The following ARHGAP15 variants were observed in gnomAD, a reference collection of about 807,000 sequenced individuals.
ARHGAP15 encodes the protein rho GTPase-activating protein 15.
ARHGAP15 carries 51 observed loss-of-function variants against 63.7 expected under a neutral mutation model. That is an observed-to-expected ratio of 0.80 (90% CI 0.64 to 1.01). The LOEUF (loss-of-function observed/expected upper bound fraction) is 1.01. ARHGAP15 is among the 50% of genes least tolerant of loss of function. The pLI is 0.00. For synonymous variants in ARHGAP15, 191 were observed against 193.8 expected (o/e 0.99, Z 0.12); for missense variants, 560 against 564.6 (o/e 0.99, Z 0.08).
At chr2:143,198,905 A>G (rs1278981315) in intron 2 of ARHGAP15, among the ~76,000 whole-genome samples, 2 of 152,126 alleles carry the variant, frequency 1.3e-5, no homozygotes, top group Non-Finnish European at 1.5e-5. Context: ...ATGGGAATCT[A>G]GTTGGGTTTT....
At chr2:143,729,154 AGT>A (rs1685420924) in intron 13 of ARHGAP15, among the ~76,000 whole-genome samples, 1 of 152,254 alleles carries the variant, frequency 6.6e-6, no homozygotes, top group African/African-American at 2.4e-5. Context: ...GCCATTTGTT[AGT>A]ATTGTTCTGA....
chr2:143,270,724 A>G (rs1488677927), intron 6 of ARHGAP15, among the ~76,000 whole-genome samples: 1 of 152,180 alleles, frequency 6.6e-6, no homozygotes, highest in African/African-American at 2.4e-5. Context: ...TAGAAAATCA[A>G]GTCTCCTGGT....
chr2:143,390,638 C>CA (rs1265891551), intron 6 of ARHGAP15, among the ~76,000 whole-genome samples: 1 of 152,020 alleles, frequency 6.6e-6, no homozygotes, highest in Non-Finnish European at 1.5e-5. Context: ...TCTTTAGCCC[C>CA]AACTCCCAGC....
At chr2:143,174,304 T>A (rs1690921920) in intron 2 of ARHGAP15, among the ~76,000 whole-genome samples, 1 of 152,122 alleles carries the variant, frequency 6.6e-6, no homozygotes, top group Non-Finnish European at 1.5e-5. Flanking sequence ...ACACTAATGA[T>A]CACCTTCACC....
intron 6 of ARHGAP15, among the ~76,000 whole-genome samples, chr2:143,413,964 T>TGCGCGCGC (rs1263567075): frequency 0.022 from 1,458 of 67,012 alleles, 14 homozygotes; most frequent in Non-Finnish European, 0.03. Flanking sequence ...TGTGTGTGTG[T>TGCGCGCGC]GTGCGCGCTC....
chr2:143,192,395 C>T (rs1317619698), intron 2 of ARHGAP15, among the ~76,000 whole-genome samples: 4 of 152,186 alleles, frequency 2.6e-5, no homozygotes, highest in Non-Finnish European at 5.9e-5. Context: ...CTAACAACAC[C>T]CTGAATTCAA....
At chr2:143,430,368 A>G (rs535105421) in intron 6 of ARHGAP15, among the ~76,000 whole-genome samples, 1 of 152,170 alleles carries the variant, frequency 6.6e-6, no homozygotes, top group Non-Finnish European at 1.5e-5. Flanking sequence ...GTTAAGAGAA[A>G]TGTTAGGAAT....
intron 6 of ARHGAP15, among the ~76,000 whole-genome samples, chr2:143,347,148 C>G (rs919811705): frequency 2.0e-5 from 3 of 152,066 alleles, no homozygotes; most frequent in African/African-American, 7.2e-5. Context: ...TATTGAGAAG[C>G]AATCAATTGC....
chr2:143,555,882 GAAT>G (rs1157576677), intron 10 of ARHGAP15, among the ~76,000 whole-genome samples: 1 of 67,870 alleles, frequency 1.5e-5, no homozygotes, highest in Non-Finnish European at 2.9e-5. Flanking sequence ...GAATAGAATA[GAAT>G]AGAATAGAAT....
chr2:143,428,086 C>T (rs761157974), intron 6 of ARHGAP15, among the ~76,000 whole-genome samples: 1 of 151,886 alleles, frequency 6.6e-6, no homozygotes, highest in Non-Finnish European at 1.5e-5. Flanking sequence ...CAACATAAAC[C>T]AGTTTGTGCT....
intron 5 of ARHGAP15, among the ~76,000 whole-genome samples, chr2:143,249,699 A>C (rs1226982064): frequency 6.6e-6 from 1 of 152,166 alleles, no homozygotes; most frequent in Non-Finnish European, 1.5e-5. Flanking sequence ...AAGTATGATT[A>C]ACTTGAATCA....
chr2:143,700,889 T>C (rs966687938), intron 12 of ARHGAP15, among the ~76,000 whole-genome samples: 2 of 152,196 alleles, frequency 1.3e-5, no homozygotes, highest in African/African-American at 2.4e-5. Context: ...GTTGGTCTTG[T>C]GAAGCATCAC....
At chr2:143,437,642 A>G (rs1304310995) in intron 8 of ARHGAP15, among the ~76,000 whole-genome samples, 1 of 152,220 alleles carries the variant, frequency 6.6e-6, no homozygotes, top group Non-Finnish European at 1.5e-5. Context: ...ACCATTCCCC[A>G]GACTGCTTCT....
chr2:143,703,098 T>C (rs1245913819), intron 12 of ARHGAP15, among the ~76,000 whole-genome samples: 1 of 152,192 alleles, frequency 6.6e-6, no homozygotes, highest in African/African-American at 2.4e-5. Context: ...GTCACATTGT[T>C]GTTGCTTTCA....
intron 13 of ARHGAP15, chr2:143,766,940 A>T (rs1032805335): frequency 6.6e-6 from 1 of 152,206 alleles, no homozygotes; most frequent in Admixed American, 6.5e-5. Flanking sequence ...AGAGGCCTCT[A>T]AAGTCCAACC....
At chr2:143,656,934 GGTGTGTGTGTGTGTGTGTGTGTGTGT>G (rs5834961) in intron 12 of ARHGAP15, among the ~76,000 whole-genome samples, 21 of 145,030 alleles carry the variant, frequency 1.4e-4, no homozygotes, top group African/African-American at 5.1e-4. Flanking sequence ...CAAAGTTTCT[GGTGTGTGTGTGTGTGTGTGTGTGTGT>G]GTGTGTGTGT....
At chr2:143,416,323 A>T (rs1385941484) in intron 6 of ARHGAP15, among the ~76,000 whole-genome samples, 1 of 152,182 alleles carries the variant, frequency 6.6e-6, no homozygotes, top group Admixed American at 6.6e-5. Context: ...GTATTCTCCA[A>T]GTCTTTCATT....
At chr2:143,537,809 G>C (rs922233824) in intron 10 of ARHGAP15, among the ~76,000 whole-genome samples, 21 of 152,254 alleles carry the variant, frequency 1.4e-4, no homozygotes, top group African/African-American at 4.3e-4. Context: ...AAGTCAGGTA[G>C]CATGATGTCT....
rs1485795902 is a variant in ARHGAP15 at position 143,617,192 on chromosome 2, CCTAAA to C, written c.1004-6940_1004-6936del. On this transcript the variant is annotated intron_variant, in intron 11 of 13. Coordinates refer to ENST00000295095, the MANE Select transcript of ARHGAP15 (RefSeq NM_018460.4). ...AATTATTTTTCTTCAAATGGAATTA[CCTAAA>C]GAGCTAACTCTGTTGTTCACTGTGT... Among the ~76,000 whole-genome samples, 11 of 152,258 alleles carry C rather than the reference CCTAAA, an allele frequency of 7.2e-5. No homozygotes were observed. In the East Asian group the frequency reaches 2.1e-3, roughly 29 times the overall value.
Sources: gnomAD v4.1 joint callset for allele counts (sites outside exome capture counted in the v4.1 genomes callset) on GRCh38, gnomAD v4.1.1 for gene constraint, MANE v1.5 for transcripts, NCBI Gene and HGNC (gene_info 2026-07-23, HGNC 2026-07-21) for gene names.